BRF1: variants seen among roughly 807,000 people sequenced by gnomAD.
BRF1 encodes the protein transcription factor IIIB 90 kDa subunit.
Under a neutral mutation model 81.7 loss-of-function variants are expected in BRF1, and 59 were observed. The observed-to-expected ratio is 0.72, with a 90% CI of 0.59 to 0.90. The LOEUF is 0.90. Ranked by LOEUF, BRF1 falls within the 40% of genes least tolerant of loss-of-function variation. The probability of loss-of-function intolerance (pLI) is 0.00; values close to 1 mark genes in which losing one functional copy is unlikely to be tolerated. For missense variants in BRF1, 1,050 were observed against 936.3 expected, an observed-to-expected ratio of 1.12 and a Z score of -1.58; for synonymous variants, 491 against 395.6, an observed-to-expected ratio of 1.24 and a Z score of -2.86.
upstream of BRF1, among the ~76,000 whole-genome samples, chr14:105,304,568 A>G (rs587701129): frequency 2.2e-4 from 33 of 152,388 alleles, no homozygotes; most frequent in East Asian, 6.4e-3. Context: ...GCGTGCTGCC[A>G]GAACTAAGCC....
chr14:105,217,278 C>A (rs1891482075), intron 15 of BRF1: 1 of 587,514 alleles, frequency 1.7e-6, no homozygotes, highest in Non-Finnish European at 3.0e-6. Flanking sequence ...CCCAGCCCCT[C>A]CTTGGGACAA....
At chr14:105,249,318 C>A in intron 5 of BRF1, 1 of 1,595,230 alleles carries the variant, frequency 6.3e-7, no homozygotes, top group Non-Finnish European at 8.5e-7. Context: ...GACACGCAGC[C>A]TGCGGGAGAG....
In BRF1 at chr14:105,209,465, C is replaced by T. The variant is rs1242220609; in HGVS notation, c.*1086G>A. On this transcript the variant is annotated 3_prime_UTR_variant, in exon 18 of 18. Coordinates refer to ENST00000547530, the MANE Select transcript of BRF1 (RefSeq NM_001519.4). Reference sequence around the variant, plus strand: ...AGCCCATTCCATGGGGAGGATGAGGCCCCTGGGGGTCAGTGAGGCACGGCT... The same window carrying T: ...AGCCCATTCCATGGGGAGGATGAGGTCCCTGGGGGTCAGTGAGGCACGGCT... The T allele has an allele frequency of 7.2e-6, 5 of 698,806 alleles. No individual in the cohort carries two copies. The highest frequency in any genetic ancestry group is 1.3e-5 in the Non-Finnish European group (5 of 383,454). 43.3% of individuals were successfully genotyped at this position (698,806 alleles called of 1,614,324 possible).
At chr14:105,243,031 G>A (rs587694748) in intron 5 of BRF1, among the ~76,000 whole-genome samples, 49 of 152,106 alleles carry the variant, frequency 3.2e-4, no homozygotes, top group African/African-American at 1.1e-3. Flanking sequence ...CAGGAGAATC[G>A]CTTGAACCTA....
intron 5 of BRF1, chr14:105,242,465 G>C (rs907224450): frequency 6.6e-6 from 1 of 152,038 alleles, no homozygotes; most frequent in Non-Finnish European, 1.5e-5. Flanking sequence ...GGCTGGGCGC[G>C]GTGGCTCACA....
intron 16 of BRF1, 73 bp from the exon 17 acceptor site, chr14:105,211,366 C>T (rs1418678576): frequency 7.3e-7 from 1 of 1,360,828 alleles, no homozygotes. Flanking sequence ...CTCAGACCCA[C>T]CAGGGCTGGC....
At chr14:105,304,469 CAA>C (rs1418592988), upstream of BRF1, among the ~76,000 whole-genome samples, 8 of 151,866 alleles carry the variant, frequency 5.3e-5, no homozygotes, top group African/African-American at 1.2e-4. Context: ...GCCTGGACGA[CAA>C]GAGTGAAACT....
intron 6 of BRF1, among the ~76,000 whole-genome samples, chr14:105,241,060 G>T (rs1441047737): frequency 6.6e-6 from 1 of 152,228 alleles, no homozygotes; most frequent in African/African-American, 2.4e-5. Context: ...CCTTATGCCA[G>T]GACACGCAGA....
intron 10 of BRF1, among the ~76,000 whole-genome samples, chr14:105,223,052 G>T (rs1232934053): frequency 6.6e-6 from 1 of 152,154 alleles, no homozygotes; most frequent in East Asian, 1.9e-4. Context: ...AATTATCTGG[G>T]TGTGGTGGTG....
chr14:105,306,998 C>G (rs2058207274), intron 1 of BRF1, among the ~76,000 whole-genome samples: 1 of 152,092 alleles, frequency 6.6e-6, no homozygotes, highest in Admixed American at 6.6e-5. Flanking sequence ...TTCCTAGAGA[C>G]AGCTGACCAC....
intron 5 of BRF1, chr14:105,247,045 T>C: frequency 1.0e-6 from 1 of 985,468 alleles, no homozygotes; most frequent in South Asian, 4.7e-5. Flanking sequence ...TTTGTATTTC[T>C]CCTGGAAACT....
At chr14:105,296,241 G>A (rs1165884799) in intron 1 of BRF1, among the ~76,000 whole-genome samples, 1 of 152,024 alleles carries the variant, frequency 6.6e-6, no homozygotes, top group Admixed American at 6.6e-5. Context: ...TACAAAAACT[G>A]CGGCCGGGTG....
At position 105,240,944 on chromosome 14, in the gene BRF1, C is replaced by T. The variant is rs587746242; in HGVS notation, c.694+321G>A. ...GAGAGAGAGGCCACACCACTGTCCG[C>T]GTCAGAAGCCGGGCCCCACGAGACC... On this transcript the variant is annotated intron_variant, in intron 6 of 17. Coordinates refer to ENST00000547530, the MANE Select transcript of BRF1 (RefSeq NM_001519.4). 2.6e-4 allele frequency among the ~76,000 whole-genome samples: 40 copies of T among 152,328 alleles called. No homozygotes were observed. In the South Asian group the frequency reaches 4.1e-3, roughly 16 times the overall value.
intron 12 of BRF1, chr14:105,219,574 AGATG>A: frequency 2.1e-6 from 1 of 474,200 alleles, no homozygotes; most frequent in Non-Finnish European, 3.8e-6. Context: ...ACTCAGGTAC[AGATG>A]GGCCAGGCTG....
chr14:105,245,149 A>C (rs1262631264), intron 5 of BRF1, among the ~76,000 whole-genome samples: 1 of 152,138 alleles, frequency 6.6e-6, no homozygotes, highest in African/African-American at 2.4e-5. Flanking sequence ...GCCTGAGCTC[A>C]GAAGTTTGAA....
chr14:105,253,897 T>C (rs1297849379), intron 4 of BRF1, among the ~76,000 whole-genome samples: 1 of 152,202 alleles, frequency 6.6e-6, no homozygotes, highest in East Asian at 1.9e-4. Context: ...GCACATGTAG[T>C]GTGTGTGTGC....
intron 1 of BRF1, 39 bp downstream of exon 1, chr14:105,300,407 C>CG: frequency 6.7e-7 from 1 of 1,490,462 alleles, no homozygotes; most frequent in East Asian, 2.6e-5. Flanking sequence ...GCCTAAGCCG[C>CG]ACCGAGAAAT....
chr14:105,253,421 G>A (rs940578543), intron 4 of BRF1, among the ~76,000 whole-genome samples: 1 of 152,192 alleles, frequency 6.6e-6, no homozygotes, highest in African/African-American at 2.4e-5. Context: ...GGCCTCACAG[G>A]CTTGGCCAGT....
chr14:105,211,384 G>T, intron 16 of BRF1, 91 bp from the exon 17 acceptor site: 2 of 1,230,806 alleles, frequency 1.6e-6, no homozygotes, highest in Non-Finnish European at 2.2e-6. Flanking sequence ...GGCCCAGGAT[G>T]CTCAGCCACT....
Sources: gnomAD v4.1 joint callset for allele counts (sites outside exome capture counted in the v4.1 genomes callset) on GRCh38, gnomAD v4.1.1 for gene constraint, MANE v1.5 for transcripts, NCBI Gene and HGNC (gene_info 2026-07-23, HGNC 2026-07-21) for gene names.